Variants in SORCS2 observed in about 807,000 individuals in gnomAD.
SORCS2 encodes the protein sortilin related VPS10 domain containing receptor 2, also known as VPS10 domain-containing receptor SorCS2.
SORCS2 carries 100 observed loss-of-function variants against 141.6 expected under a neutral mutation model. The observed-to-expected ratio is 0.71, with a 90% CI of 0.60 to 0.83. The LOEUF is 0.83. Among genes scored for constraint, SORCS2 ranks in the 40% least tolerant of loss-of-function variants. The pLI, the probability that SORCS2 is intolerant of heterozygous loss-of-function variation, is 0.00. For missense variants in SORCS2, 1,646 were observed against 1,560.2 expected (o/e 1.05, Z -0.93); for synonymous variants, 789 against 676.9 (o/e 1.17, Z -2.57).
At chr4:7,402,665 C>T (rs1245253149) in intron 2 of SORCS2, among the ~76,000 whole-genome samples, 2 of 152,190 alleles carry the variant, frequency 1.3e-5, no homozygotes, top group South Asian at 2.1e-4. Flanking sequence ...GTGTGCACAA[C>T]TTTCTTTTTC....
At chr4:7,382,107 G>GGGT in intron 1 of SORCS2, 1 of 475,124 alleles carries the variant, frequency 2.1e-6, no homozygotes, top group Non-Finnish European at 2.8e-6. Context: ...CTTGAAGGGT[G>GGGT]GGTGGTGCTG....
chr4:7,696,560 C>G (rs1192317229), intron 11 of SORCS2, among the ~76,000 whole-genome samples: 1 of 152,196 alleles, frequency 6.6e-6, no homozygotes, highest in Non-Finnish European at 1.5e-5. Context: ...ACACTGCCCA[C>G]AGCATTAAGT....
intron 1 of SORCS2, among the ~76,000 whole-genome samples, chr4:7,217,695 T>C (rs1728447162): frequency 6.6e-6 from 1 of 152,106 alleles, no homozygotes; most frequent in South Asian, 2.1e-4. Context: ...TGACTCGTTA[T>C]GTAGCTGTGT....
chr4:7,279,386 G>C (rs897663708), intron 1 of SORCS2, among the ~76,000 whole-genome samples: 1 of 152,218 alleles, frequency 6.6e-6, no homozygotes, highest in African/African-American at 2.4e-5. Flanking sequence ...AGATGAAGCA[G>C]TCAAAGTAAA....
intron 1 of SORCS2, among the ~76,000 whole-genome samples, chr4:7,343,023 G>T (rs1283186501): frequency 6.6e-6 from 1 of 152,188 alleles, no homozygotes; most frequent in East Asian, 1.9e-4. Context: ...GAAAGGGAGG[G>T]TGGAAAAGGG....
chr4:7,221,297 A>T (rs1728689858), intron 1 of SORCS2, among the ~76,000 whole-genome samples: 1 of 152,210 alleles, frequency 6.6e-6, no homozygotes, highest in South Asian at 2.1e-4. Flanking sequence ...AGCTCGCTGC[A>T]AACATCCCGG....
chr4:7,620,410 G>T (rs1389642201), intron 3 of SORCS2, among the ~76,000 whole-genome samples: 1 of 152,202 alleles, frequency 6.6e-6, no homozygotes, highest in Non-Finnish European at 1.5e-5. Context: ...ACGCTGTGGA[G>T]TCCCACCCTG....
intron 7 of SORCS2, among the ~76,000 whole-genome samples, chr4:7,665,175 C>T (rs1270100570): frequency 6.6e-6 from 1 of 152,196 alleles, no homozygotes; most frequent in African/African-American, 2.4e-5. Flanking sequence ...GGTGCCCTCT[C>T]CCCAGAAGGG....
intron 1 of SORCS2, among the ~76,000 whole-genome samples, chr4:7,258,693 C>G (rs1486414454): frequency 6.6e-6 from 1 of 152,192 alleles, no homozygotes; most frequent in Non-Finnish European, 1.5e-5. Flanking sequence ...AATGGTATTT[C>G]TAGTTCTAGA....
chr4:7,609,338 C>A (rs975350319), intron 3 of SORCS2, among the ~76,000 whole-genome samples: 1 of 152,140 alleles, frequency 6.6e-6, no homozygotes, highest in Non-Finnish European at 1.5e-5. Flanking sequence ...CTGTTAGCAC[C>A]GTTTCTCTTC....
At chr4:7,607,232 G>A (rs1407393733) in intron 3 of SORCS2, among the ~76,000 whole-genome samples, 1 of 152,004 alleles carries the variant, frequency 6.6e-6, no homozygotes, top group African/African-American at 2.4e-5. Flanking sequence ...GTCTCTCCTT[G>A]GCCTTTTAAT....
intron 1 of SORCS2, among the ~76,000 whole-genome samples, chr4:7,299,517 A>G (rs201338901): frequency 1.3e-5 from 2 of 152,348 alleles, no homozygotes; most frequent in East Asian, 3.9e-4. Context: ...CTTTTAAAAA[A>G]CAAAGCGAAA....
chr4:7,387,693 T>TAC (rs1295702870), intron 1 of SORCS2, among the ~76,000 whole-genome samples: 1 of 119,740 alleles, frequency 8.4e-6, no homozygotes, highest in Non-Finnish European at 1.7e-5. Flanking sequence ...TACACAGAGA[T>TAC]ACACACGCAC....
intron 2 of SORCS2, among the ~76,000 whole-genome samples, chr4:7,503,816 C>T (rs2109437611): frequency 6.6e-6 from 1 of 152,330 alleles, no homozygotes; most frequent in East Asian, 1.9e-4. Flanking sequence ...CTGGCTATCA[C>T]ATTTCAATCT....
chr4:7,696,660 C>A (rs1432244780), intron 11 of SORCS2, among the ~76,000 whole-genome samples: 3 of 152,188 alleles, frequency 2.0e-5, no homozygotes, highest in Admixed American at 6.5e-5. Context: ...CATTCTGCAC[C>A]CCCAGTTGGT....
chr4:7,716,319 C>T (rs944403761), intron 17 of SORCS2, among the ~76,000 whole-genome samples: 3 of 152,204 alleles, frequency 2.0e-5, no homozygotes, highest in Non-Finnish European at 2.9e-5. Context: ...CTGCCATCCA[C>T]CCACCCATCC....
chr4:7,477,299 G>GATTTCA (rs1730356305), intron 2 of SORCS2, among the ~76,000 whole-genome samples: 1 of 7,116 alleles, frequency 1.4e-4, no homozygotes, highest in African/African-American at 2.0e-4. Flanking sequence ...ATAACAGTGG[G>GATTTCA]GTCTGACTGA....
At chr4:7,602,734 G>A (rs558236745) in intron 3 of SORCS2, among the ~76,000 whole-genome samples, 3,006 of 152,024 alleles carry the variant, frequency 0.02, 45 homozygotes, top group Middle Eastern at 0.027. Context: ...AGGCAGAGAC[G>A]CTCCTCACTT....
chr4:7,550,496 C>G (rs770444256), intron 3 of SORCS2, among the ~76,000 whole-genome samples: 41 of 152,352 alleles, frequency 2.7e-4, no homozygotes, highest in Non-Finnish European at 4.3e-4. Context: ...CGCAGGCTCA[C>G]AGCCGCAGAA....
Sources: allele counts gnomAD v4.1 joint callset (sites outside exome capture counted in the v4.1 genomes callset), GRCh38; gene constraint gnomAD v4.1.1; transcripts MANE v1.5; gene names NCBI Gene and HGNC (gene_info 2026-07-23, HGNC 2026-07-21).